MCCC2: variants seen among roughly 807,000 people sequenced by gnomAD.
MCCC2 encodes methylcrotonoyl-CoA carboxylase beta chain, mitochondrial.
Under a neutral mutation model 77.2 loss-of-function variants are expected in MCCC2, and 52 were observed. The ratio of observed to expected loss-of-function variants is 0.67; its 90% CI spans 0.54 to 0.85. MCCC2 has a LOEUF of 0.85. Ranked by LOEUF, MCCC2 falls within the 40% of genes least tolerant of loss-of-function variation. The probability of loss-of-function intolerance (pLI) is 0.00; values close to 1 mark genes in which losing one functional copy is unlikely to be tolerated. For synonymous variants in MCCC2, 253 were observed against 248.4 expected (o/e 1.02, Z -0.18); for missense variants, 682 against 703.2 (o/e 0.97, Z 0.34).
intron 8 of MCCC2, among the ~76,000 whole-genome samples, chr5:71,634,445 G>A (rs1342073896): frequency 6.6e-6 from 1 of 152,210 alleles, no homozygotes; most frequent in Non-Finnish European, 1.5e-5. Context: ...GGGGCTCAGA[G>A]TTCTCTCAGA....
chr5:71,653,289 C>T (rs1431902122), intron 16 of MCCC2, among the ~76,000 whole-genome samples: 4 of 152,090 alleles, frequency 2.6e-5, no homozygotes, highest in South Asian at 2.1e-4. Flanking sequence ...AGACCATTGC[C>T]GCTGTTGGCT....
intron 6 of MCCC2, among the ~76,000 whole-genome samples, chr5:71,613,075 C>G (rs1223797299): frequency 6.6e-6 from 1 of 152,176 alleles, no homozygotes; most frequent in Non-Finnish European, 1.5e-5. Flanking sequence ...CTCTGGGTAT[C>G]TGGGTCTTCT....
chr5:71,646,995 G>A (rs1275834114), intron 13 of MCCC2, among the ~76,000 whole-genome samples: 1 of 152,180 alleles, frequency 6.6e-6, no homozygotes, highest in African/African-American at 2.4e-5. Context: ...AGTGAGATAT[G>A]TCACCTCTCT....
intron 3 of MCCC2, among the ~76,000 whole-genome samples, chr5:71,598,795 AG>A (rs1462816289): frequency 2.0e-5 from 3 of 151,812 alleles, no homozygotes; most frequent in Admixed American, 2.0e-4. Context: ...TCCATTGCCC[AG>A]GCTGGAGTGC....
At chr5:71,601,375 A>G (rs528469628) in intron 4 of MCCC2, among the ~76,000 whole-genome samples, 1 of 152,172 alleles carries the variant, frequency 6.6e-6, no homozygotes, top group African/African-American at 2.4e-5. Context: ...ATGAGCACAC[A>G]CTCTGGAGTG....
At chr5:71,611,124 G>A (rs1398830583) in intron 6 of MCCC2, among the ~76,000 whole-genome samples, 1 of 152,208 alleles carries the variant, frequency 6.6e-6, no homozygotes, top group Non-Finnish European at 1.5e-5. Context: ...TTCATGGCCA[G>A]GCACTGTGAC....
rs1161049462 is a variant in MCCC2, at chr5:71,595,745, A to G, written c.197-535A>G. 4.6e-5 allele frequency among the ~76,000 whole-genome samples: 7 copies of G among 152,358 alleles called. No individual in the cohort carries two copies. In the South Asian group the frequency reaches 1.4e-3, roughly 32 times the overall value. On this transcript the variant is annotated intron_variant, in intron 2 of 16. Coordinates refer to ENST00000340941, the MANE Select transcript of MCCC2 (RefSeq NM_022132.5). ...TGTGAGCAATGTTGAGAAGCACTGA[A>G]GACAATCTCTGAGTCAAGGAAGGGG...
At chr5:71,617,677 A>C (rs1746208572) in intron 6 of MCCC2, among the ~76,000 whole-genome samples, 1 of 152,182 alleles carries the variant, frequency 6.6e-6, no homozygotes. Flanking sequence ...TTCTAACTTC[A>C]ATTATGTTAT....
intron 1 of MCCC2, among the ~76,000 whole-genome samples, chr5:71,591,235 G>C (rs142263339): frequency 5.3e-5 from 8 of 152,286 alleles, no homozygotes; most frequent in African/African-American, 1.9e-4. Flanking sequence ...GGAGCAAAAT[G>C]TATTAGTGGG....
intron 6 of MCCC2, 111 bp downstream of exon 6, chr5:71,604,579 A>AAT: frequency 1.2e-6 from 1 of 826,450 alleles, no homozygotes; most frequent in Non-Finnish European, 1.9e-6. Context: ...CACAAAATCT[A>AAT]ATCTTTTTTT....
In MCCC2 at chr5:71,592,910, T is replaced by C. The variant is rs1745036729; in HGVS notation, c.130-16T>C. The C allele has an allele frequency of 1.9e-6, 3 of 1,584,086 alleles. No homozygotes were observed. In the East Asian group the frequency reaches 6.7e-5, roughly 35 times the overall value. On this transcript the variant is annotated splice_polypyrimidine_tract_variant and intron_variant, in intron 1 of 16. Coordinates refer to ENST00000340941, the MANE Select transcript of MCCC2 (RefSeq NM_022132.5). ...TCTAATATTTCTCTCCCCTGTCTCC[T>C]CTATTTCTGTTTTAGGAGAACTACA...
In MCCC2 at chr5:71,658,439, A is replaced by G. The variant is rs1395445461; in HGVS notation, c.*1579A>G. On this transcript the variant is annotated 3_prime_UTR_variant, in exon 17 of 17. Transcript: ENST00000340941. ...TCTATGCTCTTGTAAAACACTATCT[A>G]CTTCCTTTGTCATAAACTCATCATT... is the stretch of plus-strand genomic sequence containing the variant. 1.3e-5 allele frequency: 2 copies of G among 152,034 alleles called. No homozygotes were observed. Among genetic ancestry groups the G allele is most frequent in the Non-Finnish European group, 2.9e-5 (2 of 68,008 alleles). 9.4% of individuals were successfully genotyped at this position (152,034 alleles called of 1,614,324 possible). A position where few individuals can be genotyped will look rare whatever the true frequency, so the allele number is the denominator to read the frequency against.
intron 10 of MCCC2, chr5:71,635,567 A>G (rs1746887398): frequency 8.0e-6 from 3 of 377,114 alleles, no homozygotes; most frequent in East Asian, 6.6e-5. Flanking sequence ...ATTGTCAGCT[A>G]TTTCTTTTCA....
intron 6 of MCCC2, among the ~76,000 whole-genome samples, chr5:71,621,298 AG>A (rs1746340456): frequency 1.3e-5 from 2 of 152,148 alleles, no homozygotes. Context: ...TGCTTGAGCC[AG>A]GAGTGCTACC....
chr5:71,651,355 T>TACA (rs1747432452), intron 15 of MCCC2, among the ~76,000 whole-genome samples: 2 of 152,248 alleles, frequency 1.3e-5, no homozygotes, highest in African/African-American at 2.4e-5. Flanking sequence ...GAAAGGCAGA[T>TACA]CAGCAAGCGG....
chr5:71,635,471 G>A (rs1746884466), intron 10 of MCCC2: 3 of 594,304 alleles, frequency 5.0e-6, no homozygotes, highest in Non-Finnish European at 9.3e-6. Flanking sequence ...TGATTGGAAA[G>A]TTTTCATTGC....
intron 6 of MCCC2, among the ~76,000 whole-genome samples, chr5:71,610,304 A>G (rs1401893485): frequency 6.6e-6 from 1 of 152,168 alleles, no homozygotes; most frequent in South Asian, 2.1e-4. Flanking sequence ...GAAAAGCGCA[A>G]TATTCGGGTG....
chr5:71,587,605 A>G (rs1232196992), intron 1 of MCCC2, 51 bp downstream of exon 1: 1 of 1,526,040 alleles, frequency 6.6e-7, no homozygotes, highest in East Asian at 2.5e-5. Flanking sequence ...CTAGGAAGCA[A>G]GTGGAGGAGG....
intron 13 of MCCC2, among the ~76,000 whole-genome samples, chr5:71,647,640 A>C (rs1292764568): frequency 6.6e-6 from 1 of 152,200 alleles, no homozygotes; most frequent in Non-Finnish European, 1.5e-5. Context: ...GGGCAGGTGA[A>C]TAAGTCTCAG....
Sources: allele counts gnomAD v4.1 joint callset (sites outside exome capture counted in the v4.1 genomes callset), GRCh38; gene constraint gnomAD v4.1.1; transcripts MANE v1.5; gene names NCBI Gene and HGNC (gene_info 2026-07-23, HGNC 2026-07-21).